Variants in BCAS3 observed in about 807,000 individuals in gnomAD.
BCAS3 encodes BCAS4/BCAS3 fusion.
Under a neutral mutation model 116.1 loss-of-function variants are expected in BCAS3, and 53 were observed. The ratio of observed to expected loss-of-function variants is 0.46; its 90% CI spans 0.37 to 0.57. The LOEUF (loss-of-function observed/expected upper bound fraction) is 0.57. BCAS3 is among the 20% of genes least tolerant of loss of function. BCAS3 has a pLI of 0.00. For synonymous variants in BCAS3, 391 were observed against 408.2 expected, an observed-to-expected ratio of 0.96 and a Z score of 0.51; for missense variants, 917 against 1,165.4, an observed-to-expected ratio of 0.79 and a Z score of 3.10.
intron 7 of BCAS3, among the ~76,000 whole-genome samples, chr17:60,846,910 A>G (rs973272147): frequency 3.9e-5 from 6 of 152,198 alleles, no homozygotes; most frequent in Admixed American, 3.9e-4. Context: ...CACCACAACC[A>G]CTAGTTACAG....
intron 13 of BCAS3, among the ~76,000 whole-genome samples, chr17:60,928,089 T>G (rs2059455815): frequency 6.6e-6 from 1 of 152,188 alleles, no homozygotes; most frequent in Non-Finnish European, 1.5e-5. Context: ...CACTAGTGAC[T>G]CTATTCACCT....
At position 61,073,647 on chromosome 17, in the gene BCAS3, A is replaced by G. The variant is rs998171159; in HGVS notation, c.2030-1273A>G. Among the ~76,000 whole-genome samples the G allele has an allele frequency of 3.3e-5, 5 of 152,194 alleles. No individual in the cohort carries two copies. The highest frequency in any genetic ancestry group is 9.6e-5 in the African/African-American group (4 of 41,464). The stretch of plus-strand genomic sequence containing the variant: ...AATTTTTGTATGTTGATGTGTATAT[A>G]TAAATGTCTTTTGGTGGTAGAAATT... On this transcript the variant is annotated intron_variant, in intron 19 of 23. Coordinates refer to ENST00000407086, the MANE Select transcript of BCAS3 (RefSeq NM_017679.5). This position sits in a 1 kb window ranked among gnomAD's most constrained non-coding sequence, Gnocchi z 4.6.
chr17:60,869,424 A>T (rs1390886031), intron 8 of BCAS3, among the ~76,000 whole-genome samples: 1 of 152,166 alleles, frequency 6.6e-6, no homozygotes, highest in Admixed American at 6.5e-5. Flanking sequence ...AAAGCAAAAC[A>T]CCTGAAATAT....
Position 61,326,446 on chromosome 17 carries a change from G to A in BCAS3, c.2426-41881G>A, listed in dbSNP as rs558966876. 6.6e-6 allele frequency among the ~76,000 whole-genome samples: 1 copy of A among 152,302 alleles called. No individual in the cohort carries two copies. Among genetic ancestry groups the A allele is most frequent in the South Asian group, 2.1e-4 (1 of 4,820 alleles). The stretch of plus-strand genomic sequence containing the variant: ...AATGAGAAGCATGTTTTCAGCAGAG[G>A]GTGAGTTTTGAAAAGATCACTCTGA... On this transcript the variant is annotated intron_variant, in intron 22 of 23. Transcript: ENST00000407086. This position sits in a 1 kb window ranked among gnomAD's most constrained non-coding sequence, Gnocchi z 5.3.
intron 7 of BCAS3, among the ~76,000 whole-genome samples, chr17:60,844,406 T>A (rs779089552): frequency 3.3e-5 from 5 of 152,240 alleles, no homozygotes; most frequent in African/African-American, 1.2e-4. Flanking sequence ...AATAATTTCA[T>A]TGGTGTTTAC....
chr17:61,310,066 A>G (rs922227378), intron 22 of BCAS3, among the ~76,000 whole-genome samples: 2 of 152,220 alleles, frequency 1.3e-5, no homozygotes, highest in African/African-American at 4.8e-5. Context: ...TAATAAATGT[A>G]GGAATTTAGA....
chr17:60,822,874 C>A (rs1345408947), intron 7 of BCAS3, among the ~76,000 whole-genome samples: 1 of 152,112 alleles, frequency 6.6e-6, no homozygotes, highest in Admixed American at 6.5e-5. Flanking sequence ...CTCTGTGAAA[C>A]CACCATAGTC....
intron 19 of BCAS3, among the ~76,000 whole-genome samples, chr17:61,042,779 A>G (rs539443557): frequency 6.6e-6 from 1 of 150,534 alleles, no homozygotes; most frequent in African/African-American, 2.4e-5. Flanking sequence ...AATCCCAGCT[A>G]CCTGGGAGGC....
chr17:60,861,845 A>T (rs1468885245), intron 7 of BCAS3, among the ~76,000 whole-genome samples: 1 of 152,148 alleles, frequency 6.6e-6, no homozygotes, highest in East Asian at 1.9e-4. Context: ...AGCTTACTTG[A>T]TCATGGTGGA....
intron 11 of BCAS3, among the ~76,000 whole-genome samples, chr17:60,903,633 A>G (rs2058036984): frequency 1.3e-5 from 2 of 152,078 alleles, no homozygotes; most frequent in Admixed American, 1.3e-4. Context: ...GGGTTTTGCC[A>G]TGTTACGCAG....
chr17:61,167,638 A>T (rs2078591584), intron 22 of BCAS3, among the ~76,000 whole-genome samples: 1 of 152,192 alleles, frequency 6.6e-6, no homozygotes. Flanking sequence ...AATAGGGTAG[A>T]CCTCTAAAAA....
intron 7 of BCAS3, among the ~76,000 whole-genome samples, chr17:60,825,860 T>G (rs1236343348): frequency 6.7e-6 from 1 of 148,998 alleles, no homozygotes; most frequent in Non-Finnish European, 1.5e-5. Context: ...GGATTCAGTT[T>G]TTTTTTTTTT....
At chr17:60,891,751 C>A (rs1301371079) in intron 10 of BCAS3, 1 of 455,930 alleles carries the variant, frequency 2.2e-6, no homozygotes, top group East Asian at 6.9e-5. Flanking sequence ...TATCCATCAT[C>A]CAGATATTGA....
At chr17:60,898,809 T>A (rs942636263) in intron 10 of BCAS3, among the ~76,000 whole-genome samples, 1 of 152,036 alleles carries the variant, frequency 6.6e-6, no homozygotes. Context: ...TTATTTTTGT[T>A]CCTAGTGGCG....
chr17:61,306,868 G>T (rs1032936525), intron 22 of BCAS3, among the ~76,000 whole-genome samples: 4 of 152,150 alleles, frequency 2.6e-5, no homozygotes, highest in African/African-American at 7.2e-5. Flanking sequence ...ATTACCTTTG[G>T]ATCACTATTA....
chr17:60,699,044 C>T (rs112454619), intron 4 of BCAS3, among the ~76,000 whole-genome samples: 10,722 of 151,946 alleles, frequency 0.071, 1,253 homozygotes, highest in African/African-American at 0.24. Flanking sequence ...AGTGACAGAG[C>T]GAGACTCCGT....
chr17:60,905,418 A>G (rs1031527678), intron 11 of BCAS3, among the ~76,000 whole-genome samples: 2 of 152,240 alleles, frequency 1.3e-5, no homozygotes, highest in African/African-American at 4.8e-5. Flanking sequence ...ATATTCATTG[A>G]TAAAATCTTA....
At chr17:60,753,444 C>G (rs2144300950) in intron 6 of BCAS3, among the ~76,000 whole-genome samples, 1 of 149,506 alleles carries the variant, frequency 6.7e-6, no homozygotes, top group Admixed American at 6.7e-5. Flanking sequence ...GAGTCTTGCT[C>G]TGTCACCCAG....
intron 14 of BCAS3, among the ~76,000 whole-genome samples, chr17:60,972,394 C>G (rs960946201): frequency 2.0e-5 from 3 of 150,892 alleles, no homozygotes; most frequent in Non-Finnish European, 2.9e-5. Flanking sequence ...GGAAGCTACC[C>G]TTTGCATAAG....
Sources: gnomAD v4.1 joint callset for allele counts (sites outside exome capture counted in the v4.1 genomes callset) on GRCh38, gnomAD v4.1.1 for gene constraint, Gnocchi (gnomAD v3.1) non-coding constraint, MANE v1.5 for transcripts, NCBI Gene and HGNC (gene_info 2026-07-23, HGNC 2026-07-21) for gene names.